RNLS: variants seen among roughly 807,000 people sequenced by gnomAD.
RNLS encodes renalase, FAD dependent amine oxidase, also known as renalase.
A neutral mutation model predicts 39.8 loss-of-function variants in RNLS; 39 were observed. The observed-to-expected ratio is 0.98, with a 90% CI of 0.76 to 1.28. RNLS has a LOEUF of 1.28. Among genes scored for constraint, RNLS ranks in the 50% most tolerant of loss-of-function variants. RNLS has a pLI of 0.00. For synonymous variants in RNLS, 147 were observed against 150.7 expected, an observed-to-expected ratio of 0.98 and a Z score of 0.18; for missense variants, 410 against 413.3, an observed-to-expected ratio of 0.99 and a Z score of 0.07.
At chr10:88,198,636 G>A in the RNLS span, among the ~76,000 whole-genome samples, 1 of 152,064 alleles carries the variant, frequency 6.6e-6, no homozygotes, top group Admixed American at 6.6e-5. Context: ...TAGTGACTGA[G>A]TTCTCATGAG....
chr10:88,187,891 G>A, the RNLS span, among the ~76,000 whole-genome samples: 2,299 of 152,168 alleles, frequency 0.015, 24 homozygotes, highest in Middle Eastern at 0.051. Context: ...TTTCACATGG[G>A]CAATAGTAGA....
At chr10:88,372,411 T>C (rs1371224496) in intron 4 of RNLS, among the ~76,000 whole-genome samples, 1 of 152,136 alleles carries the variant, frequency 6.6e-6, no homozygotes, top group Admixed American at 6.6e-5. Context: ...TCTAGCTATG[T>C]AGATGTGACG....
At chr10:88,491,357 GGA>G (rs1844866278) in intron 4 of RNLS, among the ~76,000 whole-genome samples, 1 of 152,156 alleles carries the variant, frequency 6.6e-6, no homozygotes. Flanking sequence ...GTGCCTGTTA[GGA>G]GAGTGGACCT....
intron 4 of RNLS, among the ~76,000 whole-genome samples, chr10:88,553,241 C>T (rs537796091): frequency 6.6e-6 from 1 of 152,286 alleles, no homozygotes; most frequent in East Asian, 1.9e-4. Context: ...AAGCATGACA[C>T]ATAGCAATAT....
At chr10:88,366,022 C>T (rs116903086) in intron 4 of RNLS, among the ~76,000 whole-genome samples, 1,651 of 152,136 alleles carry the variant, frequency 0.011, 35 homozygotes, top group Admixed American at 0.035. Flanking sequence ...CTTTTCTAGA[C>T]GTGAAGGCTG....
the RNLS span, among the ~76,000 whole-genome samples, chr10:88,258,347 A>T: frequency 3.3e-5 from 5 of 152,196 alleles, no homozygotes; most frequent in South Asian, 4.1e-4. Flanking sequence ...GGATCCTATT[A>T]AATAAAATCT....
the RNLS span, among the ~76,000 whole-genome samples, chr10:88,186,686 T>C: frequency 6.6e-6 from 1 of 152,176 alleles, no homozygotes; most frequent in African/African-American, 2.4e-5. Context: ...CCACTTAGGA[T>C]ATATTCTTGG....
chr10:88,418,793 T>C (rs1391301030), intron 4 of RNLS, among the ~76,000 whole-genome samples: 1 of 152,158 alleles, frequency 6.6e-6, no homozygotes, highest in Non-Finnish European at 1.5e-5. Flanking sequence ...ATACTACAAA[T>C]GGTGTTTAAG....
the RNLS span, among the ~76,000 whole-genome samples, chr10:88,224,351 T>C: frequency 6.6e-6 from 1 of 152,132 alleles, no homozygotes; most frequent in African/African-American, 2.4e-5. Context: ...ATCACATTGG[T>C]CATTAAGCTT....
At chr10:88,350,304 C>T (rs1589617217) in intron 5 of RNLS, among the ~76,000 whole-genome samples, 1 of 151,734 alleles carries the variant, frequency 6.6e-6, no homozygotes, top group African/African-American at 2.4e-5. Flanking sequence ...CATATGTATA[C>T]ATGTGCCATG....
intron 4 of RNLS, among the ~76,000 whole-genome samples, chr10:88,528,986 A>C (rs1031819628): frequency 6.6e-6 from 1 of 152,214 alleles, no homozygotes; most frequent in African/African-American, 2.4e-5. Context: ...TTTGGCTATA[A>C]ATTAATGCTA....
At chr10:88,371,691 T>C (rs534258798) in intron 4 of RNLS, among the ~76,000 whole-genome samples, 1 of 152,192 alleles carries the variant, frequency 6.6e-6, no homozygotes, top group Non-Finnish European at 1.5e-5. Flanking sequence ...GAAGTGGCTT[T>C]CTCTGTATTG....
intron 4 of RNLS, among the ~76,000 whole-genome samples, chr10:88,520,250 A>G (rs914184405): frequency 6.6e-6 from 1 of 151,962 alleles, no homozygotes; most frequent in Admixed American, 6.6e-5. Flanking sequence ...TTAAGGGGGA[A>G]TGTCCAGTAC....
chr10:88,226,738 CTTTTTTTTTTT>C, the RNLS span, among the ~76,000 whole-genome samples: 58 of 69,472 alleles, frequency 8.3e-4, no homozygotes, highest in Non-Finnish European at 1.2e-3. Flanking sequence ...TCTCCCTTCA[CTTTTTTTTTTT>C]TTTTTTTTTT....
chr10:88,299,240 T>G (rs1236643590), intron 6 of RNLS, among the ~76,000 whole-genome samples: 1 of 152,228 alleles, frequency 6.6e-6, no homozygotes, highest in East Asian at 1.9e-4. Context: ...ATTTTCCTAA[T>G]AGTGTCTTTC....
At position 88,519,596 on chromosome 10, in the gene RNLS, C is replaced by A. The variant is rs377652732; in HGVS notation, c.526+53307G>T. ...CTTCCTGACCCTACCTATTAAAATGCAGTATCTCTAATGTCCTACAAAGCC... is the reference window on the plus strand; with the variant it reads ...CTTCCTGACCCTACCTATTAAAATGAAGTATCTCTAATGTCCTACAAAGCC... On this transcript the variant is annotated intron_variant, in intron 4 of 6. Coordinates refer to ENST00000331772, the MANE Select transcript of RNLS (RefSeq NM_001031709.3). Among the ~76,000 whole-genome samples the A allele has an allele frequency of 9.9e-5, 15 of 151,184 alleles. No individual in the cohort carries two copies. The East Asian group carries it at 1.9e-3, about 20-fold the overall frequency.
intron 4 of RNLS, among the ~76,000 whole-genome samples, chr10:88,534,229 G>A (rs1847613044): frequency 6.6e-6 from 1 of 152,096 alleles, no homozygotes; most frequent in East Asian, 1.9e-4. Context: ...TTTATGGACT[G>A]GAGACCTGCA....
At chr10:88,497,884 A>G (rs571972652) in intron 4 of RNLS, among the ~76,000 whole-genome samples, 55 of 151,002 alleles carry the variant, frequency 3.6e-4, no homozygotes, top group African/African-American at 1.1e-3. Flanking sequence ...AATTTTGGGG[A>G]AAAAAAAACT....
At chr10:88,517,961 G>T (rs1053016884) in intron 4 of RNLS, among the ~76,000 whole-genome samples, 3 of 151,836 alleles carry the variant, frequency 2.0e-5, no homozygotes, top group Admixed American at 2.0e-4. Flanking sequence ...TTAATTTTGT[G>T]AAGTATGTAA....
Sources: gnomAD v4.1 joint callset for allele counts (sites outside exome capture counted in the v4.1 genomes callset) on GRCh38, gnomAD v4.1.1 for gene constraint, MANE v1.5 for transcripts, NCBI Gene and HGNC (gene_info 2026-07-23, HGNC 2026-07-21) for gene names.